Variants in DSCAM observed in about 807,000 individuals in gnomAD.
DSCAM encodes the protein DS cell adhesion molecule, also known as cell adhesion molecule DSCAM.
A neutral mutation model predicts 217.7 loss-of-function variants in DSCAM; 47 were observed. The ratio of observed to expected loss-of-function variants is 0.22; its 90% CI spans 0.17 to 0.28. The LOEUF (loss-of-function observed/expected upper bound fraction) is 0.28. DSCAM is among the 10% of genes least tolerant of loss of function. DSCAM has a pLI of 1.00. For synonymous variants in DSCAM, 1,056 were observed against 1,015.3 expected (o/e 1.04, Z -0.76); for missense variants, 2,080 against 2,618.3 (o/e 0.79, Z 4.49).
chr21:40,323,297 GT>G (rs899974821), intron 8 of DSCAM, among the ~76,000 whole-genome samples: 7 of 152,080 alleles, frequency 4.6e-5, no homozygotes, highest in African/African-American at 1.7e-4. Flanking sequence ...AACCACAATG[GT>G]TTGTTTCATC....
At chr21:40,030,453 T>G (rs2088499389) in intron 32 of DSCAM, among the ~76,000 whole-genome samples, 2 of 152,000 alleles carry the variant, frequency 1.3e-5, no homozygotes, top group African/African-American at 4.8e-5. Context: ...TCTCAGGCAA[T>G]GAGACGTAAA....
At chr21:40,428,540 G>A (rs545445165) in intron 3 of DSCAM, among the ~76,000 whole-genome samples, 1 of 152,048 alleles carries the variant, frequency 6.6e-6, no homozygotes, top group South Asian at 2.1e-4. Context: ...AAAGTGCTGG[G>A]ATTACAGGTG....
intron 32 of DSCAM, among the ~76,000 whole-genome samples, chr21:40,030,042 A>G (rs1023382670): frequency 6.6e-6 from 1 of 152,250 alleles, no homozygotes; most frequent in Admixed American, 6.5e-5. Context: ...ACACACAAGT[A>G]CACATGCATG....
intron 3 of DSCAM, among the ~76,000 whole-genome samples, chr21:40,561,374 T>C (rs1381043894): frequency 6.6e-6 from 1 of 152,224 alleles, no homozygotes; most frequent in African/African-American, 2.4e-5. Context: ...GATTCCTGTG[T>C]GTATGCTGAC....
At chr21:40,159,921 A>AT (rs996968882) in intron 16 of DSCAM, among the ~76,000 whole-genome samples, 4 of 152,136 alleles carry the variant, frequency 2.6e-5, no homozygotes, top group Admixed American at 6.5e-5. Context: ...ATAAACTTCT[A>AT]TTTTTTGTTG....
intron 3 of DSCAM, among the ~76,000 whole-genome samples, chr21:40,528,164 C>A (rs897254336): frequency 1.3e-5 from 2 of 152,174 alleles, no homozygotes; most frequent in African/African-American, 2.4e-5. Flanking sequence ...ATGACATAAG[C>A]ACAGCCATAG....
At chr21:40,631,836 A>T (rs926087) in intron 3 of DSCAM, among the ~76,000 whole-genome samples, 11,198 of 152,244 alleles carry the variant, frequency 0.074, 467 homozygotes, top group Middle Eastern at 0.099. Flanking sequence ...ATCAGGAGAC[A>T]TGGGCTTGTG....
chr21:40,820,524 C>G (rs1444188399), intron 1 of DSCAM, among the ~76,000 whole-genome samples: 1 of 152,072 alleles, frequency 6.6e-6, no homozygotes, highest in African/African-American at 2.4e-5. Flanking sequence ...GGCTTACAAC[C>G]TAGATGACAG....
In DSCAM at chr21:40,618,089, C is replaced by T. The variant is rs78853469; in HGVS notation, c.508+74721G>A. 4.3e-3 allele frequency among the ~76,000 whole-genome samples: 660 copies of T among 152,242 alleles called. 3 individuals carry two copies. The highest frequency in any genetic ancestry group is 0.015 in the African/African-American group (606 of 41,538). On this transcript the variant is annotated intron_variant, in intron 3 of 32. Coordinates refer to ENST00000400454, the MANE Select transcript of DSCAM (RefSeq NM_001389.5). ...TCTGGCTCCTGAATTAAGAGCTGTG[C>T]GGGACTGATTAAAAAGGTGTCATTG...
At chr21:40,355,600 TTCAA>T (rs1400811178) in intron 4 of DSCAM, among the ~76,000 whole-genome samples, 2 of 152,212 alleles carry the variant, frequency 1.3e-5, no homozygotes, top group Non-Finnish European at 2.9e-5. Context: ...TCTCTTCTAA[TTCAA>T]CCTGTTTAGA....
At chr21:40,771,288 G>C (rs1452937116) in intron 1 of DSCAM, among the ~76,000 whole-genome samples, 2 of 152,190 alleles carry the variant, frequency 1.3e-5, no homozygotes, top group Non-Finnish European at 2.9e-5. Context: ...TATAAGGCAG[G>C]CCTGGGTTCC....
At chr21:40,720,806 G>C (rs992019499) in intron 1 of DSCAM, among the ~76,000 whole-genome samples, 14 of 152,192 alleles carry the variant, frequency 9.2e-5, no homozygotes, top group Non-Finnish European at 1.9e-4. Flanking sequence ...GGGGTTAGGG[G>C]GACCAAGTAT....
At chr21:40,760,550 G>T (rs2091322694) in intron 1 of DSCAM, among the ~76,000 whole-genome samples, 1 of 152,216 alleles carries the variant, frequency 6.6e-6, no homozygotes, top group Non-Finnish European at 1.5e-5. Flanking sequence ...CAGGGAGTAA[G>T]AATGGGCCAT....
intron 30 of DSCAM, among the ~76,000 whole-genome samples, chr21:40,046,563 G>A (rs957007582): frequency 1.3e-4 from 20 of 152,170 alleles, no homozygotes; most frequent in African/African-American, 4.6e-4. Context: ...ATGGGGAAGA[G>A]GCTAAATGTC....
At chr21:40,309,557 G>A (rs2074115801) in intron 9 of DSCAM, among the ~76,000 whole-genome samples, 1 of 152,002 alleles carries the variant, frequency 6.6e-6, no homozygotes, top group Admixed American at 6.6e-5. Context: ...GCTGGGACAG[G>A]TGCTTCTCCC....
At chr21:40,374,233 AT>A (rs1270949290) in intron 3 of DSCAM, among the ~76,000 whole-genome samples, 3 of 152,218 alleles carry the variant, frequency 2.0e-5, no homozygotes, top group Non-Finnish European at 4.4e-5. Context: ...AAAAAATTAA[AT>A]TGGTATCTAT....
chr21:40,839,754 G>A (rs2092085300), intron 1 of DSCAM, among the ~76,000 whole-genome samples: 1 of 151,502 alleles, frequency 6.6e-6, no homozygotes, highest in East Asian at 1.9e-4. Context: ...CACTGTCTTT[G>A]CGGCTGCACT....
intron 16 of DSCAM, among the ~76,000 whole-genome samples, chr21:40,162,941 A>C (rs76626276): frequency 0.051 from 7,837 of 152,260 alleles, 579 homozygotes; most frequent in African/African-American, 0.16. Context: ...TAAAACAACA[A>C]CACAAATTTT....
chr21:40,269,288 C>T lies in DSCAM; in HGVS notation c.2356+6809G>A, dbSNP rs184362268. Among the ~76,000 whole-genome samples the T allele has an allele frequency of 3.5e-4, 53 of 152,258 alleles. No homozygotes were observed. The South Asian group carries it at 5.8e-3, about 17-fold the overall frequency. On this transcript the variant is annotated intron_variant, in intron 11 of 32. Transcript: ENST00000400454. ...TTTGCAGAGTCCCGTATTAAGAATACGGAAATCTTCTCCAGAAACTCCTCA... is the reference window on the plus strand; with the variant it reads ...TTTGCAGAGTCCCGTATTAAGAATATGGAAATCTTCTCCAGAAACTCCTCA...
Sources: gnomAD v4.1 joint callset for allele counts (sites outside exome capture counted in the v4.1 genomes callset) on GRCh38, gnomAD v4.1.1 for gene constraint, MANE v1.5 for transcripts, NCBI Gene and HGNC (gene_info 2026-07-23, HGNC 2026-07-21) for gene names.